Variants in BAG3 observed in about 807,000 individuals in gnomAD.
BAG3 encodes the protein BAG family molecular chaperone regulator 3.
Under a neutral mutation model 40.5 loss-of-function variants are expected in BAG3, and 14 were observed. That is an observed-to-expected ratio of 0.35 (90% CI 0.23 to 0.54). BAG3 has a LOEUF of 0.54. Among genes scored for constraint, BAG3 ranks in the 20% least tolerant of loss-of-function variants. The pLI is 0.91. For synonymous variants in BAG3, 302 were observed against 307.8 expected (o/e 0.98, Z 0.20); for missense variants, 788 against 758.6 (o/e 1.04, Z -0.46).
Position 119,665,092 on chromosome 10 carries a change from T to TGTGTGTG in BAG3, c.181-4759_181-4758insGTGTGTG, listed in dbSNP as rs34372634. Reference sequence around the variant, plus strand: ...GCCACCACACACAGCTAATTTTTGTTTGTGTGTGTGTGTGTGTGTGTGTGT... The same window carrying TGTGTGTG: ...GCCACCACACACAGCTAATTTTTGTTGTGTGTGTGTGTGTGTGTGTGTGTGTGTGTGT... On this transcript the variant is annotated intron_variant, in intron 1 of 3. Coordinates refer to ENST00000369085, the MANE Select transcript of BAG3 (RefSeq NM_004281.4). Among the ~76,000 whole-genome samples, 341 of 87,916 alleles carry TGTGTGTG rather than the reference T, an allele frequency of 3.9e-3. 1 individual carries two copies. The highest frequency in any genetic ancestry group is 9.6e-3 in the African/African-American group (204 of 21,158). 57.7% of individuals were successfully genotyped at this position (87,916 alleles called of 152,430 possible). A position where few individuals can be genotyped will look rare whatever the true frequency, so the allele number is the denominator to read the frequency against.
At chr10:119,664,141 G>A (rs976387036) in intron 1 of BAG3, among the ~76,000 whole-genome samples, 1 of 152,158 alleles carries the variant, frequency 6.6e-6, no homozygotes, top group Non-Finnish European at 1.5e-5. Flanking sequence ...AAAACCACTA[G>A]TGCAGTTTAG....
intron 1 of BAG3, among the ~76,000 whole-genome samples, chr10:119,660,709 T>A (rs533450410): frequency 4.6e-5 from 7 of 151,964 alleles, no homozygotes; most frequent in South Asian, 4.2e-4. Context: ...AATATTTTTT[T>A]AAAAAAAGAA....
chr10:119,677,653 A>G lies in BAG3; in HGVS notation c.*371A>G, dbSNP rs1290809712. 6 of 278,682 alleles carry G rather than the reference A, an allele frequency of 2.2e-5. No individual in the cohort carries two copies. Among genetic ancestry groups the G allele is most frequent in the Non-Finnish European group, 3.4e-5 (5 of 145,346 alleles). 17.3% of individuals were successfully genotyped at this position (278,682 alleles called of 1,614,324 possible). A position where few individuals can be genotyped will look rare whatever the true frequency, so the allele number is the denominator to read the frequency against. ...CCCATCACATAAATATGAAACATTT[A>G]TCAGAAATGTTGCCATTTTAATGAG... On this transcript the variant is annotated 3_prime_UTR_variant, in exon 4 of 4. Coordinates refer to ENST00000369085, the MANE Select transcript of BAG3 (RefSeq NM_004281.4).
intron 1 of BAG3, among the ~76,000 whole-genome samples, chr10:119,655,406 C>T (rs1447173547): frequency 6.6e-6 from 1 of 152,168 alleles, no homozygotes; most frequent in Non-Finnish European, 1.5e-5. Flanking sequence ...ACAGATTATA[C>T]TCAGGCACTG....
At position 119,676,630 on chromosome 10, in the gene BAG3, C is replaced by T; in HGVS notation, c.1076C>T (p.Ser359Phe). The change falls in exon 4 of 4, where the codon TCT (serine) becomes TTT (phenylalanine). Residue 359 changes from serine to phenylalanine, a missense_variant. By Grantham distance (155) the Ser-to-Phe change is radical. Transcript: ENST00000369085. ...GTTTCCCAGAAGCCCCCACCTCCCT[C>T]TGAGAAGGTAGAGGTGAAAGTTCCC... is the stretch of plus-strand genomic sequence containing the variant. ...KPVSQKPPPP[S>F]EKVEVKVPPA... 3 of 1,614,184 alleles carry T rather than the reference C, an allele frequency of 1.9e-6. No individual in the cohort carries two copies. Among genetic ancestry groups the T allele is most frequent in the African/African-American group, 1.3e-5 (1 of 75,044 alleles).
chr10:119,658,029 C>T (rs531506513), intron 1 of BAG3, among the ~76,000 whole-genome samples: 1 of 152,348 alleles, frequency 6.6e-6, no homozygotes, highest in African/African-American at 2.4e-5. Flanking sequence ...CAGAGCTGTG[C>T]CCCAGTGAAC....
chr10:119,655,009 C>T (rs1328360918), intron 1 of BAG3, among the ~76,000 whole-genome samples: 1 of 152,162 alleles, frequency 6.6e-6, no homozygotes, highest in Non-Finnish European at 1.5e-5. Context: ...CAGTGTAGGG[C>T]CCAGAAAACT....
chr10:119,670,275 C>G, intron 2 of BAG3, 98 bp downstream of exon 2: 1 of 1,334,460 alleles, frequency 7.5e-7, no homozygotes, highest in Non-Finnish European at 1.0e-6. Context: ...GGCCAGGCAC[C>G]TGTTCACATG....
At chr10:119,675,701 G>A (rs1311460134) in intron 3 of BAG3, among the ~76,000 whole-genome samples, 1 of 151,976 alleles carries the variant, frequency 6.6e-6, no homozygotes, top group African/African-American at 2.4e-5. Context: ...ACTCTGCTCT[G>A]AGTCAGCCTA....
In BAG3 at chr10:119,651,591, G is replaced by C. The variant is rs887187253; in HGVS notation, c.-85G>C. On this transcript the variant is annotated 5_prime_UTR_variant, in exon 1 of 4. Transcript: ENST00000369085. Reference sequence around the variant, plus strand: ...CCGGACACGTCGGCGGCGGAGAGGGGCCCACGGCGGCGGCCCGGCCAGAGA... The same window carrying C: ...CCGGACACGTCGGCGGCGGAGAGGGCCCCACGGCGGCGGCCCGGCCAGAGA... 2.3e-6 allele frequency: 3 copies of C among 1,276,798 alleles called. No homozygotes were observed. The highest frequency in any genetic ancestry group is 3.0e-6 in the Non-Finnish European group (3 of 988,738). The allele number at this position is 1,276,798 out of a possible 1,614,324, so 79.1% of individuals were successfully genotyped here.
intron 1 of BAG3, among the ~76,000 whole-genome samples, chr10:119,665,774 T>G (rs970533559): frequency 2.6e-5 from 4 of 152,048 alleles, no homozygotes; most frequent in Non-Finnish European, 2.9e-5. Flanking sequence ...CATGTTTTTT[T>G]TATTTAAAGC....
At chr10:119,657,499 A>G in intron 1 of BAG3, 2 of 470,630 alleles carry the variant, frequency 4.2e-6, no homozygotes, top group Non-Finnish European at 8.8e-6. Context: ...GTGACTGTGG[A>G]GAAGGGTAGA....
In BAG3 at chr10:119,672,270, G is replaced by C. The variant is rs1365920672; in HGVS notation, c.523G>C (p.Ala175Pro). Residue 175 changes from alanine (A) to proline (P), a missense_variant, in exon 3 of 4, where the codon GCT becomes CCT. Coordinates refer to ENST00000369085, the MANE Select transcript of BAG3 (RefSeq NM_004281.4). This position sits in a 1 kb window ranked among gnomAD's most constrained non-coding sequence, Gnocchi z 4.8. ...TCTCTTGCAGCGGTCCCAGTCTCCA[G>C]CTGCCTCTGACTGCTCATCCTCATC... is the stretch of plus-strand genomic sequence containing the variant. ...SHGPERSQSP[A>P]ASDCSSSSSS... The C allele has an allele frequency of 6.2e-7, 1 of 1,613,402 alleles. No homozygotes were observed. The highest frequency in any genetic ancestry group is 8.5e-7 in the Non-Finnish European group (1 of 1,180,028).
intron 1 of BAG3, among the ~76,000 whole-genome samples, chr10:119,659,200 C>T (rs1050666343): frequency 2.0e-5 from 3 of 152,242 alleles, no homozygotes; most frequent in Admixed American, 1.3e-4. Flanking sequence ...CCAGACCCTG[C>T]GCCATGCGTC....
chr10:119,659,688 G>A (rs888472425), intron 1 of BAG3, among the ~76,000 whole-genome samples: 7 of 152,238 alleles, frequency 4.6e-5, no homozygotes, highest in African/African-American at 1.4e-4. Flanking sequence ...CAGAATACAC[G>A]TCCGCTGATG....
rs146955186 is a variant in BAG3 at position 119,657,870 on chromosome 10, T to A, written c.180+6015T>A. Among the ~76,000 whole-genome samples, 697 of 152,258 alleles carry A rather than the reference T, an allele frequency of 4.6e-3. 8 individuals are homozygous for A. The highest frequency in any genetic ancestry group is 0.016 in the African/African-American group (657 of 41,530). On this transcript the variant is annotated intron_variant, in intron 1 of 3. Coordinates refer to ENST00000369085, the MANE Select transcript of BAG3 (RefSeq NM_004281.4). The stretch of plus-strand genomic sequence containing the variant: ...CACTGTGAAAAGAGTCTCTTAAAAA[T>A]TTTTTTTCGTGTGGCTGGCAGCAAG...
At chr10:119,661,100 A>C (rs927036079) in intron 1 of BAG3, among the ~76,000 whole-genome samples, 5 of 150,894 alleles carry the variant, frequency 3.3e-5, no homozygotes, top group Non-Finnish European at 7.4e-5. Flanking sequence ...TCTCAAAAAC[A>C]AAAACAAAAA....
At chr10:119,674,699 G>A (rs953768192) in intron 3 of BAG3, among the ~76,000 whole-genome samples, 10 of 152,130 alleles carry the variant, frequency 6.6e-5, no homozygotes, top group Admixed American at 5.2e-4. Flanking sequence ...AGTGGCTCAC[G>A]CCTGTAATCC....
Position 119,672,588 on chromosome 10 carries a change from G to A in BAG3, c.841G>A (p.Ala281Thr), listed in dbSNP as rs1248777510. 11 of 1,614,040 alleles carry A rather than the reference G, an allele frequency of 6.8e-6. No individual in the cohort carries two copies. Among genetic ancestry groups the A allele is most frequent in the Non-Finnish European group, 9.3e-6 (11 of 1,180,044 alleles). ...TGCATCGAGCCGGGAGGGCTCACCA[G>A]CCAGGAGCAGCACGCCACTCCACTC... is the stretch of plus-strand genomic sequence containing the variant. ...QGASSREGSP[A>T]RSSTPLHSPS... The change falls in exon 3 of 4, where the codon GCC becomes ACC. Residue 281 changes from alanine (A) to threonine (T), a missense_variant. By Grantham distance (58) the Ala-to-Thr change is moderately conservative (BLOSUM62 0). Coordinates refer to ENST00000369085, the MANE Select transcript of BAG3 (RefSeq NM_004281.4). This position sits in a 1 kb window ranked among gnomAD's most constrained non-coding sequence, Gnocchi z 4.8.
Sources: allele counts gnomAD v4.1 joint callset (sites outside exome capture counted in the v4.1 genomes callset), GRCh38; gene constraint gnomAD v4.1.1; non-coding constraint Gnocchi (gnomAD v3.1); transcripts MANE v1.5; gene names NCBI Gene and HGNC (gene_info 2026-07-23, HGNC 2026-07-21).